CERS3: variants seen among roughly 807,000 people sequenced by gnomAD.
The protein encoded by CERS3 is LAG1 homolog, ceramide synthase 3.
A neutral mutation model predicts 50.3 loss-of-function variants in CERS3; 33 were observed. The observed-to-expected ratio is 0.66, with a 90% CI of 0.50 to 0.88. The LOEUF (loss-of-function observed/expected upper bound fraction) is 0.88. CERS3 is among the 40% of genes least tolerant of loss of function. The pLI is 0.00. For synonymous variants in CERS3, 176 were observed against 155.2 expected, an observed-to-expected ratio of 1.13 and a Z score of -0.99; for missense variants, 470 against 460.3, an observed-to-expected ratio of 1.02 and a Z score of -0.19.
chr15:100,435,731 A>G (rs897939490), intron 11 of CERS3, among the ~76,000 whole-genome samples: 3 of 152,224 alleles, frequency 2.0e-5, no homozygotes, highest in African/African-American at 7.2e-5. Context: ...CCATCTGACA[A>G]AGGTCTAATA....
chr15:100,438,747 G>A (rs1003304713), intron 11 of CERS3, among the ~76,000 whole-genome samples: 7 of 152,238 alleles, frequency 4.6e-5, no homozygotes, highest in Non-Finnish European at 8.8e-5. Flanking sequence ...GGTTGCCAAG[G>A]GGCTGGTTTC....
intron 10 of CERS3, among the ~76,000 whole-genome samples, chr15:100,466,821 C>CTTTCTCTCTT (rs1187150194): frequency 1.6e-5 from 1 of 61,712 alleles, no homozygotes; most frequent in Non-Finnish European, 3.1e-5. Flanking sequence ...CCCTCCCTCT[C>CTTTCTCTCTT]TCCCTCTCTC....
At chr15:100,430,767 TTTTTGTTATATAGG>T (rs1368970086) in intron 11 of CERS3, among the ~76,000 whole-genome samples, 1 of 152,240 alleles carries the variant, frequency 6.6e-6, no homozygotes, top group Non-Finnish European at 1.5e-5. Flanking sequence ...AGTACATTCC[TTTTTGTTATATAGG>T]TTCTAATTAT....
chr15:100,491,430 T>A lies in CERS3; in HGVS notation c.174-499A>T, dbSNP rs372974400. Among the ~76,000 whole-genome samples, 6 of 152,262 alleles carry A rather than the reference T, an allele frequency of 3.9e-5. No individual in the cohort carries two copies. The South Asian group carries it at 6.2e-4, about 16-fold the overall frequency. On this transcript the variant is annotated intron_variant, in intron 3 of 11. Transcript: ENST00000679737. ...AACTTTATAAAAAACTGGCAAGTTG[T>A]TTTCCAAAGTGACTGTACTATATTG...
chr15:100,485,790 G>A (rs1286356990), intron 4 of CERS3, among the ~76,000 whole-genome samples: 4 of 152,160 alleles, frequency 2.6e-5, no homozygotes, highest in Non-Finnish European at 4.4e-5. Context: ...CTGGAATCTT[G>A]GGGGCAGAGG....
intron 3 of CERS3, among the ~76,000 whole-genome samples, chr15:100,497,584 G>C (rs968386693): frequency 2.0e-5 from 3 of 151,764 alleles, no homozygotes; most frequent in African/African-American, 7.3e-5. Context: ...AAGCAAAATA[G>C]AATTAAACCA....
chr15:100,540,743 C>G (rs868235023), intron 1 of CERS3, among the ~76,000 whole-genome samples: 1 of 152,172 alleles, frequency 6.6e-6, no homozygotes, highest in Non-Finnish European at 1.5e-5. Flanking sequence ...CTCCAGTAAG[C>G]TCTTCATCCT....
chr15:100,501,342 T>A (rs1382707802), intron 3 of CERS3, among the ~76,000 whole-genome samples: 1 of 152,236 alleles, frequency 6.6e-6, no homozygotes, highest in East Asian at 1.9e-4. Context: ...TGCACATGCA[T>A]TGTCAGACAC....
chr15:100,487,530 G>T (rs2035524099), intron 4 of CERS3, among the ~76,000 whole-genome samples: 1 of 152,092 alleles, frequency 6.6e-6, no homozygotes. Context: ...CTCACAATTT[G>T]TATTTTTAGC....
In CERS3 at chr15:100,484,590, G is replaced by C; in HGVS notation, c.367C>G (p.Gln123Glu). The stretch of plus-strand genomic sequence containing the variant: ...TTCTTCAGCCTGGAAGGCCTCTCTT[G>C]ATTCCGCCGACTCCTAAACCATCTT... Reference protein sequence around the residue: ...VERWFRSRRNQERPSRLKKFQ... With the variant: ...VERWFRSRRNEERPSRLKKFQ... The change falls in exon 5 of 12, where the codon CAA (glutamine) becomes GAA (glutamate). Residue 123 changes from glutamine (Q) to glutamate (E), a missense_variant. Transcript: ENST00000679737. 2 of 1,614,136 alleles carry C rather than the reference G, an allele frequency of 1.2e-6. No individual in the cohort carries two copies. The highest frequency in any genetic ancestry group is 2.2e-5 in the South Asian group (2 of 91,082).
intron 2 of CERS3, among the ~76,000 whole-genome samples, chr15:100,515,787 C>G (rs2036472135): frequency 6.6e-6 from 1 of 152,180 alleles, no homozygotes; most frequent in South Asian, 2.1e-4. Context: ...AAAATGTAAG[C>G]TGGTGGCTGG....
intron 5 of CERS3, among the ~76,000 whole-genome samples, chr15:100,482,455 C>T (rs985031289): frequency 6.6e-6 from 1 of 152,060 alleles, no homozygotes; most frequent in Non-Finnish European, 1.5e-5. Flanking sequence ...AGGGTAAGGC[C>T]GCATCCACCC....
chr15:100,442,729 C>T (rs1362400388), intron 11 of CERS3, among the ~76,000 whole-genome samples: 1 of 152,232 alleles, frequency 6.6e-6, no homozygotes, highest in Non-Finnish European at 1.5e-5. Flanking sequence ...TGACTGACTC[C>T]TTCCCAGATC....
In CERS3 at chr15:100,402,280, A is replaced by G. The variant is rs1018556108; in HGVS notation, c.*433T>C. ...GTCCTTCCGCTCCTGTCCCACTGCCACTTCTAACTCATTTTGAGAAAGAAG... is the reference window on the plus strand; with the variant it reads ...GTCCTTCCGCTCCTGTCCCACTGCCGCTTCTAACTCATTTTGAGAAAGAAG... On this transcript the variant is annotated 3_prime_UTR_variant, in exon 12 of 12. Coordinates refer to ENST00000679737, the MANE Select transcript of CERS3 (RefSeq NM_001378789.1). 10 of 158,702 alleles carry G rather than the reference A, an allele frequency of 6.3e-5. No homozygotes were observed. Among genetic ancestry groups the G allele is most frequent in the African/African-American group, 2.4e-4 (10 of 41,510 alleles). 9.8% of individuals were successfully genotyped at this position (158,702 alleles called of 1,614,324 possible).
chr15:100,484,576 G>A lies in CERS3; in HGVS notation c.381C>T (p.Ser127=), dbSNP rs755246786. 4 of 1,613,664 alleles carry A rather than the reference G, an allele frequency of 2.5e-6. No individual in the cohort carries two copies. The highest frequency in any genetic ancestry group is 1.7e-6 in the Non-Finnish European group (2 of 1,179,580). ...AAGCTTCCTGGAATTTCTTCAGCCT[G>A]GAAGGCCTCTCTTGATTCCGCCGAC... ...FRSRRNQERP[S]RLKKFQEACW... The change falls in exon 5 of 12, where the codon TCC becomes TCT. Residue 127 remains serine (S), a synonymous_variant. Transcript: ENST00000679737.
At chr15:100,413,967 G>C (rs1387690869) in intron 11 of CERS3, among the ~76,000 whole-genome samples, 1 of 151,964 alleles carries the variant, frequency 6.6e-6, no homozygotes, top group Non-Finnish European at 1.5e-5. Flanking sequence ...CTGCCAACCA[G>C]AAAAATACCT....
upstream of CERS3, among the ~76,000 whole-genome samples, chr15:100,529,901 G>C (rs1342696775): frequency 1.3e-5 from 2 of 152,104 alleles, no homozygotes; most frequent in East Asian, 3.8e-4. Context: ...ATTAAAAATG[G>C]ACTAGATGCA....
At chr15:100,425,971 G>C (rs148733233) in intron 11 of CERS3, 1 of 152,040 alleles carries the variant, frequency 6.6e-6, no homozygotes, top group Non-Finnish European at 1.5e-5. Flanking sequence ...CTCCCACTTC[G>C]CTCTCTTCCT....
upstream of CERS3, among the ~76,000 whole-genome samples, chr15:100,532,735 G>A (rs2036968839): frequency 6.6e-6 from 1 of 152,168 alleles, no homozygotes; most frequent in Non-Finnish European, 1.5e-5. Context: ...CTCCAGACTG[G>A]GCGACAGAGT....
Sources: allele counts gnomAD v4.1 joint callset (sites outside exome capture counted in the v4.1 genomes callset), GRCh38; gene constraint gnomAD v4.1.1; transcripts MANE v1.5; gene names NCBI Gene and HGNC (gene_info 2026-07-23, HGNC 2026-07-21).